EPHA7: variants seen among roughly 807,000 people sequenced by gnomAD.
EPHA7 encodes the protein EPH receptor A7.
A neutral mutation model predicts 112.6 loss-of-function variants in EPHA7; 25 were observed. That is an observed-to-expected ratio of 0.22 (90% CI 0.16 to 0.31). EPHA7 has a LOEUF of 0.31. EPHA7 is among the 10% of genes least tolerant of loss of function. The probability of loss-of-function intolerance (pLI) is 1.00; values close to 1 mark genes in which losing one functional copy is unlikely to be tolerated. For missense variants in EPHA7, 962 were observed against 1,212.6 expected (o/e 0.79, Z 3.07); for synonymous variants, 437 against 406.5 (o/e 1.07, Z -0.90).
At chr6:93,390,802 G>C (rs1777868130) in intron 3 of EPHA7, among the ~76,000 whole-genome samples, 1 of 151,694 alleles carries the variant, frequency 6.6e-6, no homozygotes, top group African/African-American at 2.4e-5. Flanking sequence ...AAGTATTTTT[G>C]GCAACCTACA....
At chr6:93,406,167 A>T (rs1414823208) in intron 3 of EPHA7, among the ~76,000 whole-genome samples, 1 of 151,494 alleles carries the variant, frequency 6.6e-6, no homozygotes, top group East Asian at 1.9e-4. Flanking sequence ...ACATGAAATC[A>T]TCTGAAAGAA....
chr6:93,410,452 C>A lies in EPHA7; in HGVS notation c.832+49G>T, dbSNP rs1337698126. Reference sequence around the variant, plus strand: ...CTATTAAAGTTTAAAATGTCTGATACTGAAATTTAAAAAGGCAAAGTGGAG... The same window carrying A: ...CTATTAAAGTTTAAAATGTCTGATAATGAAATTTAAAAAGGCAAAGTGGAG... On this transcript the variant is annotated intron_variant, in intron 3 of 16. Coordinates refer to ENST00000369303, the MANE Select transcript of EPHA7 (RefSeq NM_004440.4). This position sits in a 1 kb window ranked among gnomAD's most constrained non-coding sequence, Gnocchi z 4.0. 1 of 1,512,316 alleles carries A rather than the reference C, an allele frequency of 6.6e-7. No individual in the cohort carries two copies. 93.7% of individuals were successfully genotyped at this position (1,512,316 alleles called of 1,614,324 possible).
chr6:93,319,826 A>G (rs1265671870), intron 5 of EPHA7, among the ~76,000 whole-genome samples: 1 of 152,136 alleles, frequency 6.6e-6, no homozygotes, highest in Non-Finnish European at 1.5e-5. Context: ...GATTACATAT[A>G]TTCATAATCA....
In EPHA7 at chr6:93,410,760, A is replaced by G. The variant is rs1727592843; in HGVS notation, c.573T>C (p.Ala191=). 4 of 1,613,998 alleles carry G rather than the reference A, an allele frequency of 2.5e-6. No individual in the cohort carries two copies. The highest frequency in any genetic ancestry group is 1.1e-5 in the South Asian group (1 of 91,094). Residue 191 remains alanine (A), a synonymous_variant, in exon 3 of 17, where the codon GCT becomes GCC. Coordinates refer to ENST00000369303, the MANE Select transcript of EPHA7 (RefSeq NM_004440.4). This position sits in a 1 kb window ranked among gnomAD's most constrained non-coding sequence, Gnocchi z 4.0. ...CTTTGACAGAAACCAAAGCTATGCA[A>G]GCCCCTACATCCTGAAAGGCAAGAT... The part of the protein sequence containing the change: ...GFYLAFQDVG[A]CIALVSVKVY...
rs1778948662 is a variant in EPHA7, at chr6:93,410,976, G to A, written c.357C>T (p.Cys119=). The change falls in exon 3 of 17, where the codon TGC becomes TGT. Residue 119 remains cysteine (C), a synonymous_variant. Transcript: ENST00000369303. The surrounding 1 kb of genome is among the most constrained non-coding windows in gnomAD (Gnocchi z 4.0). ...CNSLPGVLGT[C]KETFNLYYYE... ...AATAGTACAAATTAAATGTTTCCTT[G>A]CAAGTTCCCAGTACTCCAGGAAGAC... 3 of 1,613,976 alleles carry A rather than the reference G, an allele frequency of 1.9e-6. No individual in the cohort carries two copies. In the East Asian group the frequency reaches 6.7e-5, roughly 36 times the overall value.
Position 93,254,699 on chromosome 6 carries a change from CACATG to C in EPHA7, c.2475_2479del (p.Met826GlyfsTer52). 1 of 1,613,628 alleles carries C rather than the reference CACATG, an allele frequency of 6.2e-7. No individual in the cohort carries two copies. Among genetic ancestry groups the C allele is most frequent in the Non-Finnish European group, 8.5e-7 (1 of 1,179,690 alleles). ...TCTTTCTCCATAAGACATAACTTCC[CACATG>C]ACTATTCCATAGCTCCATACATCAC... On this transcript the variant is annotated frameshift_variant, in exon 14 of 17. Transcript: ENST00000369303. LOFTEE classifies it high-confidence loss of function.
intron 5 of EPHA7, among the ~76,000 whole-genome samples, chr6:93,314,767 T>C (rs1773710941): frequency 6.6e-6 from 1 of 152,046 alleles, no homozygotes; most frequent in African/African-American, 2.4e-5. Context: ...AATATTTCAA[T>C]GATGCTTGCA....
At position 93,241,032 on chromosome 6, in the gene EPHA7, T is replaced by C. The variant is rs1769667227; in HGVS notation, c.*2394A>G. ...AAAATTTAAGGCAGATGAGGTATAT[T>C]GCTGAAGGAAAAATTTATTTTTGAA... is the stretch of plus-strand genomic sequence containing the variant. On this transcript the variant is annotated 3_prime_UTR_variant, in exon 17 of 17. Coordinates refer to ENST00000369303, the MANE Select transcript of EPHA7 (RefSeq NM_004440.4). 1 of 212,410 alleles carries C rather than the reference T, an allele frequency of 4.7e-6. No individual in the cohort carries two copies. The highest frequency in any genetic ancestry group is 2.3e-5 in the African/African-American group (1 of 44,242). 13.2% of individuals were successfully genotyped at this position (212,410 alleles called of 1,614,324 possible). A position where few individuals can be genotyped will look rare whatever the true frequency, so the allele number is the denominator to read the frequency against.
At chr6:93,330,939 G>A (rs2127902248) in intron 5 of EPHA7, among the ~76,000 whole-genome samples, 1 of 151,268 alleles carries the variant, frequency 6.6e-6, no homozygotes, top group East Asian at 1.9e-4. Flanking sequence ...CTGATCTTAG[G>A]ACTTTGCTGT....
intron 3 of EPHA7, among the ~76,000 whole-genome samples, chr6:93,359,744 G>A (rs1776146332): frequency 6.6e-6 from 1 of 151,730 alleles, no homozygotes; most frequent in Non-Finnish European, 1.5e-5. Flanking sequence ...TAATTTAGGG[G>A]GCATCAAGAA....
At chr6:93,244,111 T>C (rs143451595) in intron 16 of EPHA7, among the ~76,000 whole-genome samples, 1 of 152,296 alleles carries the variant, frequency 6.6e-6, no homozygotes, top group East Asian at 1.9e-4. Flanking sequence ...TACATCTAAA[T>C]TTAATAGCTT....
At chr6:93,383,297 CAAT>C (rs1777439295) in intron 3 of EPHA7, among the ~76,000 whole-genome samples, 1 of 142,742 alleles carries the variant, frequency 7.0e-6, no homozygotes, top group East Asian at 2.2e-4. Context: ...TGTGTGTGTA[CAAT>C]GACTTATATC....
intron 5 of EPHA7, among the ~76,000 whole-genome samples, chr6:93,328,186 C>A (rs1250258930): frequency 3.3e-5 from 5 of 151,478 alleles, no homozygotes; most frequent in Non-Finnish European, 7.4e-5. Context: ...TCCAATAAAG[C>A]CTTTCCTGGA....
At chr6:93,289,475 T>A (rs1772242690) in intron 5 of EPHA7, among the ~76,000 whole-genome samples, 1 of 149,080 alleles carries the variant, frequency 6.7e-6, no homozygotes. Context: ...AAAAAAAAAA[T>A]TAGCTGGGAG....
intron 14 of EPHA7, among the ~76,000 whole-genome samples, chr6:93,248,558 A>T (rs1770062057): frequency 6.6e-6 from 1 of 152,072 alleles, no homozygotes; most frequent in Non-Finnish European, 1.5e-5. Flanking sequence ...TTTAAAATTG[A>T]ATTTATCACC....
rs147242531 is a variant in EPHA7, at chr6:93,410,601, G to A, written c.732C>T (p.Asn244=). 30 of 1,613,870 alleles carry A rather than the reference G, an allele frequency of 1.9e-5. No homozygotes were observed. The highest frequency in any genetic ancestry group is 1.6e-4 in the Middle Eastern group (1 of 6,082). ...CVSSAEEEAE[N]APRMHCSAEG... The stretch of plus-strand genomic sequence containing the variant: ...CTGCACTGCAGTGCATCCTGGGGGC[G>A]TTTTCCGCTTCTTCCTCTGCACTGC... Residue 244 remains asparagine, a synonymous_variant, in exon 3 of 17, where the codon AAC becomes AAT. Coordinates refer to ENST00000369303, the MANE Select transcript of EPHA7 (RefSeq NM_004440.4). The surrounding 1 kb of genome is among the most constrained non-coding windows in gnomAD (Gnocchi z 4.0).
chr6:93,252,250 G>A (rs114712189), intron 14 of EPHA7, among the ~76,000 whole-genome samples: 2 of 151,990 alleles, frequency 1.3e-5, no homozygotes, highest in African/African-American at 4.8e-5. Context: ...GTTTTCTTGT[G>A]TCTTGTAAAA....
Position 93,413,438 on chromosome 6 carries a change from T to A in EPHA7, c.162+1265A>T, listed in dbSNP as rs974835387. ...TCCTCAGAGATAAAACCATCCTCTA[T>A]CTCTATTTGTTTTAATTGATGGATG... On this transcript the variant is annotated intron_variant, in intron 2 of 16. Coordinates refer to ENST00000369303, the MANE Select transcript of EPHA7 (RefSeq NM_004440.4). 4.6e-5 allele frequency among the ~76,000 whole-genome samples: 7 copies of A among 151,984 alleles called. No homozygotes were observed. In the East Asian group the frequency reaches 5.8e-4, roughly 13 times the overall value.
intron 3 of EPHA7, among the ~76,000 whole-genome samples, chr6:93,384,208 A>G (rs1369659464): frequency 6.6e-6 from 1 of 152,180 alleles, no homozygotes; most frequent in African/African-American, 2.4e-5. Context: ...TTTACTAAAC[A>G]CTAGTTCTAC....
Sources: gnomAD v4.1 joint callset for allele counts (sites outside exome capture counted in the v4.1 genomes callset) on GRCh38, gnomAD v4.1.1 for gene constraint, Gnocchi (gnomAD v3.1) non-coding constraint, MANE v1.5 for transcripts, NCBI Gene and HGNC (gene_info 2026-07-23, HGNC 2026-07-21) for gene names.